The following ACTN2 variants were observed in gnomAD, a reference collection of about 807,000 sequenced individuals.
ACTN2 encodes the protein actinin alpha 2, also known as alpha-actinin-2.
Under a neutral mutation model 113.8 loss-of-function variants are expected in ACTN2, and 39 were observed. The ratio of observed to expected loss-of-function variants is 0.34; its 90% CI spans 0.27 to 0.45. ACTN2 has a LOEUF of 0.45. Ranked by LOEUF, ACTN2 falls within the 20% of genes least tolerant of loss-of-function variation. The pLI is 1.00. For missense variants in ACTN2, 992 were observed against 1,177.9 expected, an observed-to-expected ratio of 0.84 and a Z score of 2.31; for synonymous variants, 429 against 444.1, an observed-to-expected ratio of 0.97 and a Z score of 0.43.
At position 236,720,183 on chromosome 1, in the gene ACTN2, C is replaced by T. The variant is rs749667083; in HGVS notation, c.440C>T (p.Ser147Leu). 13 of 1,612,180 alleles carry T rather than the reference C, an allele frequency of 8.1e-6. No individual in the cohort carries two copies. The highest frequency in any genetic ancestry group is 6.6e-5 in the South Asian group (6 of 91,038). The change falls in exon 4 of 21, where the codon TCG becomes TTG. Residue 147 changes from serine (S) to leucine (L), a missense_variant. Ser to Leu is a moderately radical substitution (Grantham distance 145). Coordinates refer to ENST00000366578, the MANE Select transcript of ACTN2 (RefSeq NM_001103.4). Reference protein sequence around the residue: ...IILRFAIQDISVEETSAKEGL... With the variant: ...IILRFAIQDILVEETSAKEGL... Reference sequence around the variant, plus strand: ...CTTCGCTTTGCTATTCAGGATATTTCGGTTGAAGGTAAAAGACATGGTTAA... The same window carrying T: ...CTTCGCTTTGCTATTCAGGATATTTTGGTTGAAGGTAAAAGACATGGTTAA...
At chr1:236,720,028 C>A in intron 3 of ACTN2, 77 bp from the exon 4 acceptor site, 2 of 997,270 alleles carry the variant, frequency 2.0e-6, no homozygotes, top group South Asian at 1.3e-5. Flanking sequence ...GCTCTGAAGT[C>A]AACATTTATA....
At chr1:236,745,837 TA>T (rs1294819151) in intron 12 of ACTN2, among the ~76,000 whole-genome samples, 3 of 152,250 alleles carry the variant, frequency 2.0e-5, no homozygotes, top group African/African-American at 7.2e-5. Flanking sequence ...AATTAAATAA[TA>T]AAAATTTATT....
intron 3 of ACTN2, among the ~76,000 whole-genome samples, chr1:236,719,655 T>G (rs2102895905): frequency 6.6e-6 from 1 of 152,182 alleles, no homozygotes; most frequent in Admixed American, 6.5e-5. Context: ...CTGGGTGTGG[T>G]GGCGCATGCC....
chr1:236,752,235 G>T (rs921527690), intron 15 of ACTN2, among the ~76,000 whole-genome samples: 3 of 152,090 alleles, frequency 2.0e-5, no homozygotes, highest in African/African-American at 7.2e-5. Context: ...TGAAATTATA[G>T]CACAATTAGT....
At chr1:236,749,071 C>G in intron 13 of ACTN2, 53 bp from the exon 14 acceptor site, 1 of 1,598,138 alleles carries the variant, frequency 6.3e-7, no homozygotes, top group Non-Finnish European at 8.6e-7. Flanking sequence ...CTTACACTTT[C>G]AGTGAATTTT....
At chr1:236,740,221 C>T (rs1659027751) in intron 10 of ACTN2, among the ~76,000 whole-genome samples, 1 of 152,090 alleles carries the variant, frequency 6.6e-6, no homozygotes, top group African/African-American at 2.4e-5. Context: ...TCAAGCAATT[C>T]TCCTGCCTCA....
At chr1:236,697,580 G>C (rs1033927230) in intron 1 of ACTN2, among the ~76,000 whole-genome samples, 31 of 152,076 alleles carry the variant, frequency 2.0e-4, no homozygotes, top group Admixed American at 2.0e-3. Context: ...TAGACAACTT[G>C]GAACCATCTG....
intron 1 of ACTN2, among the ~76,000 whole-genome samples, chr1:236,707,920 C>T (rs1373519439): frequency 6.6e-6 from 1 of 151,714 alleles, no homozygotes; most frequent in East Asian, 1.9e-4. Context: ...CCATATTGGC[C>T]AGGCTGGTCT....
At chr1:236,701,528 G>C (rs546879864) in intron 1 of ACTN2, among the ~76,000 whole-genome samples, 152 of 152,292 alleles carry the variant, frequency 1.0e-3, no homozygotes, top group African/African-American at 3.3e-3. Context: ...TGCGGGCCAG[G>C]TTGCCCTCTG....
chr1:236,715,878 C>T (rs1034621237), intron 1 of ACTN2, among the ~76,000 whole-genome samples: 1 of 152,164 alleles, frequency 6.6e-6, no homozygotes, highest in Non-Finnish European at 1.5e-5. Context: ...ATCACTTGAA[C>T]TCGGGAGGCG....
In ACTN2 at chr1:236,749,102, CT is replaced by C. The variant is rs767038852; in HGVS notation, c.1516-20del. The C allele has an allele frequency of 1.9e-6, 3 of 1,613,758 alleles. No individual in the cohort carries two copies. The South Asian group carries it at 3.3e-5, about 18-fold the overall frequency. The stretch of plus-strand genomic sequence containing the variant: ...ATTTTTTAATTAGTCTATGATAATG[CT>C]TGCTTCTCTTTATTCTTTAGAGAAT... On this transcript the variant is annotated intron_variant, in intron 13 of 20. Transcript: ENST00000366578.
At position 236,751,462 on chromosome 1, in the gene ACTN2, G is replaced by A. The variant is rs753249728; in HGVS notation, c.1657-8G>A. On this transcript the variant is annotated splice_region_variant and splice_polypyrimidine_tract_variant and intron_variant, in intron 14 of 20. Coordinates refer to ENST00000366578, the MANE Select transcript of ACTN2 (RefSeq NM_001103.4). ...CATTGTTTTTCTCCACTTGTGTCTC[G>A]GGTGTAGAGTCTGATCACTGCGCAT... 1.2e-6 allele frequency: 2 copies of A among 1,613,856 alleles called. No homozygotes were observed. The highest frequency in any genetic ancestry group is 1.7e-6 in the Non-Finnish European group (2 of 1,180,022).
rs1365953928 is a variant in ACTN2, at chr1:236,759,754, T to A, written c.2332T>A (p.Phe778Ile). 6.2e-7 allele frequency: 1 copy of A among 1,614,042 alleles called. No individual in the cohort carries two copies. Among genetic ancestry groups the A allele is most frequent in the Non-Finnish European group, 8.5e-7 (1 of 1,180,004 alleles). The change falls in exon 19 of 21, where the codon TTC (phenylalanine) becomes ATC (isoleucine). Residue 778 changes from phenylalanine (F) to isoleucine (I), a missense_variant. Around this residue, in one of 3 missense-constraint regions of ACTN2, gnomAD observed 736 missense variants for 815.4 expected, o/e 0.90. Transcript: ENST00000366578. ...RKNGLMDHEDFRACLISMGYD... is the reference protein window; with the variant it reads ...RKNGLMDHEDIRACLISMGYD... ...GAATGGCCTGATGGATCATGAGGATTTCAGAGCCTGCCTGATTTCCATGGG... is the reference window on the plus strand; with the variant it reads ...GAATGGCCTGATGGATCATGAGGATATCAGAGCCTGCCTGATTTCCATGGG...
intron 14 of ACTN2, 111 bp downstream of exon 14, chr1:236,749,375 A>G: frequency 6.9e-7 from 1 of 1,452,222 alleles, no homozygotes; most frequent in Non-Finnish European, 9.4e-7. Context: ...AAAAATTAAC[A>G]AATGTGGCTA....
chr1:236,691,397 C>T (rs1242642358), intron 1 of ACTN2, among the ~76,000 whole-genome samples: 1 of 151,976 alleles, frequency 6.6e-6, no homozygotes, highest in Non-Finnish European at 1.5e-5. Flanking sequence ...AATCCCAGCA[C>T]TTTGAGAGGC....
intron 7 of ACTN2, among the ~76,000 whole-genome samples, chr1:236,733,467 C>T (rs1658771196): frequency 6.6e-6 from 1 of 152,202 alleles, no homozygotes; most frequent in Non-Finnish European, 1.5e-5. Flanking sequence ...GGTGTGTTAG[C>T]ACTGTGTTCA....
At chr1:236,694,225 T>C (rs932529192) in intron 1 of ACTN2, among the ~76,000 whole-genome samples, 4 of 150,690 alleles carry the variant, frequency 2.7e-5, no homozygotes, top group African/African-American at 4.9e-5. Context: ...CTTTTCTTTT[T>C]TTTTTTTTTT....
At chr1:236,715,566 T>C (rs1297460998) in intron 1 of ACTN2, among the ~76,000 whole-genome samples, 1 of 152,094 alleles carries the variant, frequency 6.6e-6, no homozygotes, top group Non-Finnish European at 1.5e-5. Context: ...CTTGTGCAAC[T>C]GAGGAGCTAA....
At chr1:236,719,893 T>G (rs146795980) in intron 3 of ACTN2, among the ~76,000 whole-genome samples, 96 of 152,308 alleles carry the variant, frequency 6.3e-4, no homozygotes, top group Admixed American at 6.1e-3. Flanking sequence ...TTGTGCTTAT[T>G]ATTAACTTAG....
Sources: allele counts gnomAD v4.1 joint callset (sites outside exome capture counted in the v4.1 genomes callset), GRCh38; gene constraint gnomAD v4.1.1; regional missense constraint gnomAD v4.1.1; transcripts MANE v1.5; gene names NCBI Gene and HGNC (gene_info 2026-07-23, HGNC 2026-07-21).